SLC7A14: variants seen among roughly 807,000 people sequenced by gnomAD.
SLC7A14 encodes gamma-aminobutyric acid transporter SLC7A14.
SLC7A14 carries 37 observed loss-of-function variants against 60.2 expected under a neutral mutation model. That is an observed-to-expected ratio of 0.61 (90% CI 0.47 to 0.81). The LOEUF (loss-of-function observed/expected upper bound fraction) is 0.81. SLC7A14 is among the 30% of genes least tolerant of loss of function. SLC7A14 has a pLI of 0.00. For missense variants in SLC7A14, 886 were observed against 982.7 expected (o/e 0.90, Z 1.32); for synonymous variants, 399 against 395.8 (o/e 1.01, Z -0.10).
chr3:170,564,209 T>C (rs1028495830), intron 1 of SLC7A14, among the ~76,000 whole-genome samples: 4 of 152,108 alleles, frequency 2.6e-5, no homozygotes, highest in African/African-American at 4.8e-5. Context: ...ATTGCAGTCA[T>C]AGAAATTATA....
intron 7 of SLC7A14, among the ~76,000 whole-genome samples, chr3:170,468,907 C>T (rs1739799848): frequency 6.6e-6 from 1 of 152,154 alleles, no homozygotes; most frequent in Non-Finnish European, 1.5e-5. Flanking sequence ...TTTTGAACCA[C>T]TCTGATACCC....
In SLC7A14 at chr3:170,467,081, C is replaced by A. The variant is rs756433410; in HGVS notation, c.2290G>T (p.Asp764Tyr). Residue 764 changes from aspartate to tyrosine, a missense_variant, in exon 8 of 8, where the codon GAT (aspartate) becomes TAT (tyrosine). Asp to Tyr is a radical substitution (Grantham distance 160, BLOSUM62 -3). Transcript: ENST00000231706. The stretch of plus-strand genomic sequence containing the variant: ...TACTCTGGAGAGTAATCTAACTCAT[C>A]ATTTGCAATCAGGGCCTCTGAGTTC... ...KQNSEALIANDELDYSPE is the reference protein window; with the variant it reads ...KQNSEALIANYELDYSPE The A allele has an allele frequency of 2.3e-5, 37 of 1,612,274 alleles. No individual in the cohort carries two copies. The highest frequency in any genetic ancestry group is 3.1e-5 in the Non-Finnish European group (37 of 1,179,266).
At chr3:170,570,750 T>TG (rs1217506138) in intron 1 of SLC7A14, among the ~76,000 whole-genome samples, 19 of 152,208 alleles carry the variant, frequency 1.2e-4, no homozygotes, top group African/African-American at 4.6e-4. Flanking sequence ...GATGCCCCTA[T>TG]GCCTTCTATC....
chr3:170,544,819 G>A (rs1017470983), intron 1 of SLC7A14, among the ~76,000 whole-genome samples: 17 of 152,328 alleles, frequency 1.1e-4, no homozygotes, highest in African/African-American at 3.4e-4. Context: ...GAGGCACAGA[G>A]CAGTTAACAT....
rs1222777848 is a variant in SLC7A14 at position 170,459,584 on chromosome 3, T to C, written c.*7471A>G. ...TTAAATTTTATTAGTCGATTAGCTG[T>C]ACTTTTTAAAATGTTTTATTCTGAA... On this transcript the variant is annotated 3_prime_UTR_variant, in exon 8 of 8. Transcript: ENST00000231706. 1 of 152,256 alleles carries C rather than the reference T, an allele frequency of 6.6e-6. No individual in the cohort carries two copies. The highest frequency in any genetic ancestry group is 1.5e-5 in the Non-Finnish European group (1 of 68,040). The allele number at this position is 152,256 out of a possible 1,614,324, so 9.4% of individuals were successfully genotyped here. A position where few individuals can be genotyped will look rare whatever the true frequency, so the allele number is the denominator to read the frequency against.
Position 170,532,683 on chromosome 3 carries a change from T to C in SLC7A14, c.-152-5595A>G, listed in dbSNP as rs1313378571. Among the ~76,000 whole-genome samples, 2 of 151,260 alleles carry C rather than the reference T, an allele frequency of 1.3e-5. No individual in the cohort carries two copies. Among genetic ancestry groups the C allele is most frequent in the Non-Finnish European group, 2.9e-5 (2 of 67,798 alleles). On this transcript the variant is annotated intron_variant, in intron 1 of 7. Transcript: ENST00000231706. This position sits in a 1 kb window ranked among gnomAD's most constrained non-coding sequence, Gnocchi z 4.0. Reference sequence around the variant, plus strand: ...CCCCTGACCAGGTGTTTTTTTTTTTTTGTTGTTGTTGTTCCCTGCTACTGA... The same window carrying C: ...CCCCTGACCAGGTGTTTTTTTTTTTCTGTTGTTGTTGTTCCCTGCTACTGA...
At chr3:170,472,992 A>G (rs999439198) in intron 7 of SLC7A14, among the ~76,000 whole-genome samples, 1 of 152,206 alleles carries the variant, frequency 6.6e-6, no homozygotes, top group Non-Finnish European at 1.5e-5. Context: ...GCACTTTCTC[A>G]TCCATCATCC....
At chr3:170,576,744 A>AT (rs1465091888) in intron 1 of SLC7A14, among the ~76,000 whole-genome samples, 2 of 152,122 alleles carry the variant, frequency 1.3e-5, no homozygotes, top group East Asian at 1.9e-4. Context: ...TGGACAGGAC[A>AT]TTTTTTATTC....
intron 1 of SLC7A14, among the ~76,000 whole-genome samples, chr3:170,563,607 G>C (rs1230972573): frequency 6.6e-6 from 1 of 151,770 alleles, no homozygotes; most frequent in Non-Finnish European, 1.5e-5. Flanking sequence ...TTTTAGTAGA[G>C]ACAGGGTTTC....
At chr3:170,569,479 G>T (rs980555935) in intron 1 of SLC7A14, among the ~76,000 whole-genome samples, 3 of 151,398 alleles carry the variant, frequency 2.0e-5, no homozygotes, top group Non-Finnish European at 4.4e-5. Flanking sequence ...TCTCTTTTTT[G>T]GTTGTGTCTC....
At chr3:170,578,020 G>T (rs865790488) in intron 1 of SLC7A14, among the ~76,000 whole-genome samples, 24 of 152,344 alleles carry the variant, frequency 1.6e-4, no homozygotes, top group Middle Eastern at 3.4e-3. Flanking sequence ...CCTCTCTACT[G>T]TAAAAGCTGT....
intron 1 of SLC7A14, among the ~76,000 whole-genome samples, chr3:170,539,798 G>A (rs1254907985): frequency 6.6e-6 from 1 of 152,128 alleles, no homozygotes; most frequent in East Asian, 1.9e-4. Flanking sequence ...ACTGCATATA[G>A]TACTGAATCT....
intron 1 of SLC7A14, among the ~76,000 whole-genome samples, chr3:170,548,232 C>A (rs950926833): frequency 1.3e-5 from 2 of 152,150 alleles, no homozygotes; most frequent in Admixed American, 1.3e-4. Flanking sequence ...GATACCAGAA[C>A]AGATAAGCCA....
At chr3:170,539,316 A>G (rs1244041113) in intron 1 of SLC7A14, among the ~76,000 whole-genome samples, 1 of 152,020 alleles carries the variant, frequency 6.6e-6, no homozygotes, top group African/African-American at 2.4e-5. Flanking sequence ...TTCCAGTCTC[A>G]GCTGAAATGT....
At chr3:170,525,096 C>T (rs775349387) in intron 2 of SLC7A14, among the ~76,000 whole-genome samples, 6 of 152,200 alleles carry the variant, frequency 3.9e-5, no homozygotes, top group Non-Finnish European at 8.8e-5. Context: ...AGTTAGAATT[C>T]CCACTTCTCC....
At chr3:170,529,502 C>T (rs1713611921) in intron 1 of SLC7A14, among the ~76,000 whole-genome samples, 1 of 152,126 alleles carries the variant, frequency 6.6e-6, no homozygotes, top group Admixed American at 6.6e-5. Flanking sequence ...TGTGTCAGCC[C>T]AGCCTTAGGT....
intron 1 of SLC7A14, among the ~76,000 whole-genome samples, chr3:170,578,812 T>C (rs1715165123): frequency 1.3e-5 from 2 of 152,352 alleles, no homozygotes; most frequent in East Asian, 1.9e-4. Context: ...TAGAATGTTA[T>C]GGCTTGCAGG....
chr3:170,460,126 T>C lies in SLC7A14; in HGVS notation c.*6929A>G, dbSNP rs1196089796. On this transcript the variant is annotated 3_prime_UTR_variant, in exon 8 of 8. Coordinates refer to ENST00000231706, the MANE Select transcript of SLC7A14 (RefSeq NM_020949.3). ...CACAAAACGAACAAACTTTAACAAA[T>C]ACAGCAATTTCATACCAAAAAAAGA... 2 of 152,138 alleles carry C rather than the reference T, an allele frequency of 1.3e-5. No individual in the cohort carries two copies. Among genetic ancestry groups the C allele is most frequent in the Non-Finnish European group, 2.9e-5 (2 of 68,020 alleles). 9.4% of individuals were successfully genotyped at this position (152,138 alleles called of 1,614,324 possible). A position where few individuals can be genotyped will look rare whatever the true frequency, so the allele number is the denominator to read the frequency against.
chr3:170,582,653 T>A (rs1715267748), intron 1 of SLC7A14, among the ~76,000 whole-genome samples: 1 of 152,168 alleles, frequency 6.6e-6, no homozygotes, highest in Admixed American at 6.5e-5. Flanking sequence ...TGAAGCAGAA[T>A]GTTGACATTA....
Sources: allele counts gnomAD v4.1 joint callset (sites outside exome capture counted in the v4.1 genomes callset), GRCh38; gene constraint gnomAD v4.1.1; non-coding constraint Gnocchi (gnomAD v3.1); transcripts MANE v1.5; gene names NCBI Gene and HGNC (gene_info 2026-07-23, HGNC 2026-07-21).